The following MAGI3 variants were observed in gnomAD, a reference collection of about 807,000 sequenced individuals.
MAGI3 encodes membrane-associated guanylate kinase, WW and PDZ domain-containing protein 3.
A neutral mutation model predicts 121.8 loss-of-function variants in MAGI3; 43 were observed. The observed-to-expected ratio is 0.35, with a 90% CI of 0.28 to 0.46. The LOEUF is 0.46. Among genes scored for constraint, MAGI3 ranks in the 20% least tolerant of loss-of-function variants. The pLI is 1.00. For missense variants in MAGI3, 1,547 were observed against 1,797.3 expected (o/e 0.86, Z 2.52); for synonymous variants, 553 against 639.3 (o/e 0.86, Z 2.04).
intron 1 of MAGI3, among the ~76,000 whole-genome samples, chr1:113,488,524 GT>G (rs1656511277): frequency 6.6e-6 from 1 of 152,214 alleles, no homozygotes; most frequent in South Asian, 2.1e-4. Flanking sequence ...TGGGTGATCA[GT>G]GGAGAGTTTC....
At chr1:113,421,688 T>G (rs1652741188) in intron 1 of MAGI3, among the ~76,000 whole-genome samples, 1 of 133,620 alleles carries the variant, frequency 7.5e-6, no homozygotes, top group African/African-American at 2.7e-5. Flanking sequence ...ATATGATTCT[T>G]CATAAACTTG....
intron 9 of MAGI3, among the ~76,000 whole-genome samples, chr1:113,632,486 T>C (rs1557862882): frequency 6.6e-6 from 1 of 152,140 alleles, no homozygotes; most frequent in Non-Finnish European, 1.5e-5. Flanking sequence ...TTTTAAATAA[T>C]CATATTCAAA....
intron 1 of MAGI3, among the ~76,000 whole-genome samples, chr1:113,533,891 A>G (rs1331584424): frequency 2.0e-5 from 3 of 150,538 alleles, no homozygotes; most frequent in Non-Finnish European, 2.9e-5. Flanking sequence ...CACGGTGAAT[A>G]TTAATATTCT....
At chr1:113,504,919 G>C (rs1316965435) in intron 1 of MAGI3, among the ~76,000 whole-genome samples, 1 of 152,064 alleles carries the variant, frequency 6.6e-6, no homozygotes, top group African/African-American at 2.4e-5. Context: ...TGTTGAATGA[G>C]GAAAGAAAGA....
chr1:113,463,124 T>C (rs1655112018), intron 1 of MAGI3, among the ~76,000 whole-genome samples: 1 of 152,042 alleles, frequency 6.6e-6, no homozygotes, highest in South Asian at 2.1e-4. Flanking sequence ...ATCTCCAGTC[T>C]AGTGGTCCCA....
At chr1:113,639,362 A>G (rs900618391) in intron 9 of MAGI3, among the ~76,000 whole-genome samples, 1 of 152,126 alleles carries the variant, frequency 6.6e-6, no homozygotes, top group African/African-American at 2.4e-5. Context: ...AGCTGTTCCT[A>G]TTCGGCCATC....
intron 1 of MAGI3, among the ~76,000 whole-genome samples, chr1:113,412,747 G>T (rs1652069397): frequency 6.6e-6 from 1 of 151,788 alleles, no homozygotes; most frequent in Admixed American, 6.6e-5. Flanking sequence ...TTGTAAATTT[G>T]TGTAAGTTCT....
chr1:113,511,794 A>G (rs143522504), intron 1 of MAGI3, among the ~76,000 whole-genome samples: 23 of 152,338 alleles, frequency 1.5e-4, no homozygotes, highest in African/African-American at 5.5e-4. Context: ...AATTTCTAAG[A>G]TAGGACATTT....
rs1331445449 is a variant in MAGI3, at chr1:113,568,443, A to G, written c.434-12099A>G. On this transcript the variant is annotated intron_variant, in intron 2 of 20. Transcript: ENST00000307546. ...CTGCTCAAATTGACTTGTAGATTCA[A>G]TGTAATTCCATAAAAATTTCAGCCT... is the stretch of plus-strand genomic sequence containing the variant. Among the ~76,000 whole-genome samples the G allele has an allele frequency of 4.6e-5, 7 of 152,216 alleles. No homozygotes were observed. In the South Asian group the frequency reaches 1.2e-3, roughly 27 times the overall value.
At chr1:113,558,189 T>C (rs1207665498) in intron 2 of MAGI3, among the ~76,000 whole-genome samples, 1 of 152,142 alleles carries the variant, frequency 6.6e-6, no homozygotes, top group East Asian at 1.9e-4. Flanking sequence ...TCCAGCAAGG[T>C]CTCAGAACCA....
At chr1:113,633,464 T>C (rs2101806670) in intron 9 of MAGI3, among the ~76,000 whole-genome samples, 1 of 151,332 alleles carries the variant, frequency 6.6e-6, no homozygotes, top group South Asian at 2.1e-4. Context: ...GGTTTCACCG[T>C]TTTAGCCGGG....
intron 1 of MAGI3, among the ~76,000 whole-genome samples, chr1:113,416,843 TAAA>T (rs1355343700): frequency 6.6e-6 from 1 of 151,868 alleles, no homozygotes; most frequent in African/African-American, 2.4e-5. Context: ...TCTATTCAAA[TAAA>T]AACGACAAAG....
chr1:113,611,831 A>G (rs1372335015), intron 6 of MAGI3, among the ~76,000 whole-genome samples: 1 of 152,164 alleles, frequency 6.6e-6, no homozygotes, highest in Admixed American at 6.5e-5. Flanking sequence ...TACAACTTTC[A>G]TTCTAGTTTA....
intron 2 of MAGI3, among the ~76,000 whole-genome samples, chr1:113,564,930 A>G (rs1288032171): frequency 6.6e-6 from 1 of 151,796 alleles, no homozygotes; most frequent in African/African-American, 2.4e-5. Context: ...GCTCACTGCA[A>G]CCTCCACCTC....
intron 1 of MAGI3, among the ~76,000 whole-genome samples, chr1:113,410,153 A>T (rs1405626560): frequency 6.6e-6 from 1 of 152,128 alleles, no homozygotes; most frequent in Non-Finnish European, 1.5e-5. Flanking sequence ...TGTTGTTCAA[A>T]ATAAATTCAT....
intron 6 of MAGI3, among the ~76,000 whole-genome samples, chr1:113,609,948 GC>G (rs1650019725): frequency 6.6e-6 from 1 of 152,026 alleles, no homozygotes; most frequent in Non-Finnish European, 1.5e-5. Flanking sequence ...TTTTCCACAA[GC>G]AAATTTTTGT....
In MAGI3 at chr1:113,516,388, CACAAAAAAAAAA is replaced by C. The variant is rs1320496095; in HGVS notation, c.317-33125_317-33114del. On this transcript the variant is annotated intron_variant, in intron 1 of 20. Coordinates refer to ENST00000307546, the MANE Select transcript of MAGI3 (RefSeq NM_001142782.2). ...TAGTGCCAGAAACTAAGGAAGTTCT[CACAAAAAAAAAA>C]AAAAAAAAAAAAAAGACAAAAATCC... is the stretch of plus-strand genomic sequence containing the variant. 8.4e-3 allele frequency among the ~76,000 whole-genome samples: 333 copies of C among 39,700 alleles called. 2 individuals carry two copies. Among genetic ancestry groups the C allele is most frequent in the African/African-American group, 0.032 (319 of 9,996 alleles). 26.0% of individuals were successfully genotyped at this position (39,700 alleles called of 152,430 possible).
At chr1:113,440,529 G>A (rs1271565728) in intron 1 of MAGI3, among the ~76,000 whole-genome samples, 7 of 152,156 alleles carry the variant, frequency 4.6e-5, no homozygotes, top group Non-Finnish European at 1.0e-4. Context: ...TCACTGGCTG[G>A]AATTGGTTAC....
chr1:113,672,191 C>T (rs1295586195), intron 17 of MAGI3, among the ~76,000 whole-genome samples: 1 of 152,218 alleles, frequency 6.6e-6, no homozygotes, highest in Non-Finnish European at 1.5e-5. Context: ...TATCAGACCA[C>T]CTGAGCAGAG....
Sources: gnomAD v4.1 joint callset for allele counts (sites outside exome capture counted in the v4.1 genomes callset) on GRCh38, gnomAD v4.1.1 for gene constraint, MANE v1.5 for transcripts, NCBI Gene and HGNC (gene_info 2026-07-23, HGNC 2026-07-21) for gene names.